Variants in ARID4B observed in about 807,000 individuals in gnomAD.
ARID4B encodes the protein AT-rich interactive domain-containing protein 4B.
ARID4B carries 26 observed loss-of-function variants against 147.5 expected under a neutral mutation model. The ratio of observed to expected loss-of-function variants is 0.18; its 90% confidence interval spans 0.13 to 0.24. The LOEUF (loss-of-function observed/expected upper bound fraction) is 0.24, where lower values mean the gene tolerates loss of function less well. Ranked by LOEUF, ARID4B falls within the 10% of genes least tolerant of loss-of-function variation. The probability of loss-of-function intolerance (pLI) is 1.00; values close to 1 mark genes in which losing one functional copy is unlikely to be tolerated. For synonymous variants in ARID4B, 512 were observed against 507.9 expected (o/e 1.01, Z -0.11); for missense variants, 1,179 against 1,511.5 (o/e 0.78, Z 3.65).
intron 2 of ARID4B, among the ~76,000 whole-genome samples, chr1:235,295,322 C>G (rs926336728): frequency 6.6e-6 from 1 of 151,522 alleles, no homozygotes; most frequent in Non-Finnish European, 1.5e-5. Flanking sequence ...CCGGCCTGGC[C>G]AACATGGCAA....
At position 235,226,383 on chromosome 1, in the gene ARID4B, CAG is replaced by C. The variant is rs1667829918; in HGVS notation, c.898-1610_898-1609del. Among the ~76,000 whole-genome samples the C allele has an allele frequency of 2.0e-5, 3 of 152,112 alleles. No individual in the cohort carries two copies. In the South Asian group the frequency reaches 6.2e-4, roughly 31 times the overall value. ...TTTTTGTTTTGTCTTGTTTTTGAGACAGAGTCTTGCTCTGTCGCCCAGGCTGG... is the reference window on the plus strand; with the variant it reads ...TTTTTGTTTTGTCTTGTTTTTGAGACAGTCTTGCTCTGTCGCCCAGGCTGG... On this transcript the variant is annotated intron_variant, in intron 11 of 23. Coordinates refer to ENST00000264183, the MANE Select transcript of ARID4B (RefSeq NM_016374.6).
intron 2 of ARID4B, among the ~76,000 whole-genome samples, chr1:235,294,757 G>A (rs1005114228): frequency 3.3e-5 from 5 of 150,756 alleles, no homozygotes; most frequent in East Asian, 2.0e-4. Context: ...CAAGTTATCC[G>A]CCCGCCTCAG....
intron 6 of ARID4B, 42 bp from the exon 7 acceptor site, chr1:235,246,553 G>T (rs369304028): frequency 5.1e-6 from 7 of 1,369,280 alleles, no homozygotes; most frequent in Non-Finnish European, 7.3e-6. Flanking sequence ...TTAACACTTT[G>T]CAAGTGCCTT....
At chr1:235,273,235 G>T (rs1671105291) in intron 2 of ARID4B, among the ~76,000 whole-genome samples, 1 of 152,094 alleles carries the variant, frequency 6.6e-6, no homozygotes, top group Non-Finnish European at 1.5e-5. Context: ...ATAGAGACGA[G>T]TTTTCACCAT....
At chr1:235,206,432 G>A (rs1666312244) in intron 17 of ARID4B, among the ~76,000 whole-genome samples, 1 of 152,018 alleles carries the variant, frequency 6.6e-6, no homozygotes, top group Non-Finnish European at 1.5e-5. Context: ...TATCAGAATT[G>A]TGACTCAAGT....
At chr1:235,227,117 G>C (rs537254200) in intron 11 of ARID4B, among the ~76,000 whole-genome samples, 33 of 152,312 alleles carry the variant, frequency 2.2e-4, no homozygotes, top group African/African-American at 7.7e-4. Context: ...AAGGAAGGAG[G>C]GGAGGAAAAG....
intron 2 of ARID4B, among the ~76,000 whole-genome samples, chr1:235,309,561 C>A (rs1416187267): frequency 6.7e-6 from 1 of 149,434 alleles, no homozygotes; most frequent in African/African-American, 2.5e-5. Flanking sequence ...GGGGGGTCAG[C>A]CCCCCGCCCG....
intron 17 of ARID4B, among the ~76,000 whole-genome samples, chr1:235,198,552 G>A (rs1253174873): frequency 1.3e-5 from 2 of 152,188 alleles, no homozygotes; most frequent in Non-Finnish European, 2.9e-5. Context: ...GTATGGTACA[G>A]GCTGGGGCCC....
At chr1:235,238,118 G>A (rs1233434034) in intron 8 of ARID4B, among the ~76,000 whole-genome samples, 1 of 138,794 alleles carries the variant, frequency 7.2e-6, no homozygotes, top group Non-Finnish European at 1.5e-5. Flanking sequence ...ACTCCAGCCT[G>A]GGCAACAAGG....
chr1:235,266,219 T>G (rs1670598696), intron 2 of ARID4B, among the ~76,000 whole-genome samples: 2 of 152,166 alleles, frequency 1.3e-5, no homozygotes, highest in Non-Finnish European at 2.9e-5. Context: ...TTAATTTACT[T>G]TGGTCCAATT....
chr1:235,228,830 A>AAAGACGGGG (rs1668021345), intron 11 of ARID4B: 1 of 157,484 alleles, frequency 6.3e-6, no homozygotes, highest in South Asian at 1.8e-4. Context: ...TATTTTTAGT[A>AAAGACGGGG]AAGACGGGGT....
At chr1:235,260,264 T>C (rs1670213761) in intron 3 of ARID4B, among the ~76,000 whole-genome samples, 1 of 152,186 alleles carries the variant, frequency 6.6e-6, no homozygotes, top group South Asian at 2.1e-4. Flanking sequence ...ATTGATGAAC[T>C]ATGGTAGTTC....
intron 12 of ARID4B, among the ~76,000 whole-genome samples, chr1:235,224,338 G>A (rs1471064107): frequency 1.3e-5 from 2 of 152,194 alleles, no homozygotes; most frequent in Non-Finnish European, 2.9e-5. Context: ...GCTTCTGGCA[G>A]ATTAAATAAG....
At chr1:235,218,031 A>G (rs933717543) in intron 16 of ARID4B, among the ~76,000 whole-genome samples, 15 of 152,218 alleles carry the variant, frequency 9.9e-5, no homozygotes, top group Non-Finnish European at 1.8e-4. Context: ...ATAATATGCT[A>G]TAATAACAGT....
intron 6 of ARID4B, among the ~76,000 whole-genome samples, chr1:235,251,809 G>A (rs929930574): frequency 1.2e-4 from 19 of 152,068 alleles, no homozygotes; most frequent in Non-Finnish European, 1.2e-4. Context: ...ATTAGAGAAC[G>A]TAACACCATT....
At chr1:235,244,874 G>A (rs1482992443) in intron 7 of ARID4B, among the ~76,000 whole-genome samples, 1 of 152,142 alleles carries the variant, frequency 6.6e-6, no homozygotes, top group Non-Finnish European at 1.5e-5. Flanking sequence ...TTTGAAGAAA[G>A]GGGAGAAAGA....
intron 2 of ARID4B, among the ~76,000 whole-genome samples, chr1:235,292,990 T>A (rs898749199): frequency 6.6e-6 from 1 of 152,178 alleles, no homozygotes; most frequent in Non-Finnish European, 1.5e-5. Context: ...GACTCCACAA[T>A]ACATTCCTCA....
chr1:235,194,005 A>G lies in ARID4B; in HGVS notation c.2125+8T>C. ...ATACTTGCACAACAGAACGATTGTT[A>G]TGTTTACCTTGAAGTCCATTAAGGA... On this transcript the variant is annotated splice_region_variant and intron_variant, in intron 19 of 23. Transcript: ENST00000264183. 1 of 1,559,010 alleles carries G rather than the reference A, an allele frequency of 6.4e-7. No homozygotes were observed. Among genetic ancestry groups the G allele is most frequent in the Non-Finnish European group, 8.8e-7 (1 of 1,132,254 alleles).
chr1:235,244,491 T>A (rs866487452), intron 7 of ARID4B, among the ~76,000 whole-genome samples: 4 of 151,880 alleles, frequency 2.6e-5, no homozygotes, highest in Non-Finnish European at 5.9e-5. Flanking sequence ...TTAAAAAAAA[T>A]TTAGCTAGAG....
Sources: allele counts gnomAD v4.1 joint callset (sites outside exome capture counted in the v4.1 genomes callset), GRCh38; gene constraint gnomAD v4.1.1; transcripts MANE v1.5; gene names NCBI Gene and HGNC (gene_info 2026-07-23, HGNC 2026-07-21).